RERE: variants seen among roughly 807,000 people sequenced by gnomAD.
The protein encoded by RERE is arginine-glutamic acid dipeptide repeats protein.
RERE carries 40 observed loss-of-function variants against 146.1 expected under a neutral mutation model. The ratio of observed to expected loss-of-function variants is 0.27; its 90% confidence interval spans 0.21 to 0.36. The LOEUF is 0.36. Ranked by LOEUF, RERE falls within the 10% of genes least tolerant of loss-of-function variation. The pLI is 1.00. For synonymous variants in RERE, 1,003 were observed against 866.0 expected (o/e 1.16, Z -2.78); for missense variants, 1,933 against 2,138.7 (o/e 0.90, Z 1.90).
rs114537486 is a variant in RERE, at chr1:8,631,209, C to T, written c.326-6829G>A. Among the ~76,000 whole-genome samples the T allele has an allele frequency of 2.6e-3, 401 of 152,306 alleles. 2 individuals carry two copies. Among genetic ancestry groups the T allele is most frequent in the African/African-American group, 9.2e-3 (381 of 41,560 alleles). On this transcript the variant is annotated intron_variant, in intron 2 of 22. Coordinates refer to ENST00000400908, the MANE Select transcript of RERE (RefSeq NM_001042681.2). ...TCCCAATGTATTGAAAACTTAAAAA[C>T]TGATCTCAGATAATTATCTTCCCAA...
At chr1:8,554,601 C>T (rs1645981682) in intron 6 of RERE, among the ~76,000 whole-genome samples, 1 of 150,238 alleles carries the variant, frequency 6.7e-6, no homozygotes, top group East Asian at 2.0e-4. Context: ...ATTGCCTGAG[C>T]CCAGGAGTTT....
At chr1:8,427,634 C>CT (rs1188177496) in intron 11 of RERE, among the ~76,000 whole-genome samples, 1 of 88,846 alleles carries the variant, frequency 1.1e-5, no homozygotes, top group Non-Finnish European at 2.2e-5. Context: ...CTTGGCCCCA[C>CT]TTTAAAAAAA....
intron 10 of RERE, among the ~76,000 whole-genome samples, chr1:8,484,128 G>C (rs1644868825): frequency 6.6e-6 from 1 of 152,132 alleles, no homozygotes; most frequent in African/African-American, 2.4e-5. Flanking sequence ...CAAATGATGG[G>C]GCTTTTCTGC....
intron 12 of RERE, among the ~76,000 whole-genome samples, chr1:8,394,758 C>A (rs1391320787): frequency 6.6e-6 from 1 of 152,110 alleles, no homozygotes; most frequent in Non-Finnish European, 1.5e-5. Flanking sequence ...GAAAAAAATA[C>A]GTTAACTTGC....
At chr1:8,502,584 G>T (rs1358439788) in intron 8 of RERE, among the ~76,000 whole-genome samples, 1 of 148,582 alleles carries the variant, frequency 6.7e-6, no homozygotes, top group African/African-American at 2.5e-5. Context: ...CTTCTGGGAG[G>T]TGTGCCCAGC....
At chr1:8,778,758 T>C (rs1641113119) in intron 1 of RERE, among the ~76,000 whole-genome samples, 1 of 151,564 alleles carries the variant, frequency 6.6e-6, no homozygotes, top group African/African-American at 2.4e-5. Context: ...ATCACTTGAG[T>C]CCACGAGGTG....
chr1:8,559,869 A>AG (rs943279421), intron 4 of RERE, among the ~76,000 whole-genome samples: 5 of 152,274 alleles, frequency 3.3e-5, no homozygotes, highest in African/African-American at 1.2e-4. Context: ...CCAAATACAC[A>AG]GGCAGCAAGG....
intron 1 of RERE, among the ~76,000 whole-genome samples, chr1:8,810,214 G>A (rs1329392932): frequency 1.3e-5 from 2 of 151,352 alleles, no homozygotes; most frequent in Non-Finnish European, 2.9e-5. Context: ...TTGCCAGGCT[G>A]GTCTTGAATT....
chr1:8,468,810 C>T (rs552456400), intron 10 of RERE, among the ~76,000 whole-genome samples: 17 of 151,812 alleles, frequency 1.1e-4, no homozygotes, highest in South Asian at 4.2e-4. Context: ...GGTGAAAGGA[C>T]GGCTTGAGCC....
intron 10 of RERE, among the ~76,000 whole-genome samples, chr1:8,475,913 G>C (rs1279076406): frequency 6.6e-6 from 1 of 152,162 alleles, no homozygotes; most frequent in East Asian, 1.9e-4. Flanking sequence ...AAATTTGTCT[G>C]AATGGTCTTA....
intron 1 of RERE, among the ~76,000 whole-genome samples, chr1:8,661,523 G>C (rs1353159808): frequency 1.3e-5 from 2 of 152,220 alleles, no homozygotes; most frequent in Admixed American, 6.5e-5. Context: ...AAGGAGCGCA[G>C]TGGGGCACGA....
intron 6 of RERE, among the ~76,000 whole-genome samples, chr1:8,544,856 TG>T (rs1217727654): frequency 6.6e-6 from 1 of 152,196 alleles, no homozygotes; most frequent in Non-Finnish European, 1.5e-5. Context: ...CACTGAGTAT[TG>T]AGCAGAGCTG....
chr1:8,615,500 C>T (rs1302177921), intron 3 of RERE, among the ~76,000 whole-genome samples: 1 of 152,044 alleles, frequency 6.6e-6, no homozygotes, highest in Non-Finnish European at 1.5e-5. Context: ...GAGTATGTTC[C>T]TTTTCAAATA....
chr1:8,712,786 T>TA (rs1257251780), intron 1 of RERE, among the ~76,000 whole-genome samples: 4 of 151,758 alleles, frequency 2.6e-5, no homozygotes, highest in South Asian at 2.1e-4. Flanking sequence ...TTTTTTTTTT[T>TA]AATGAAAAAC....
intron 12 of RERE, among the ~76,000 whole-genome samples, chr1:8,391,125 G>C (rs1239967621): frequency 6.6e-6 from 1 of 152,000 alleles, no homozygotes; most frequent in African/African-American, 2.4e-5. Flanking sequence ...CAGGAAAACT[G>C]ATGTTACTTC....
In RERE at chr1:8,361,078, C is replaced by T. The variant is rs1000913557; in HGVS notation, c.2429G>A (p.Arg810Gln). 18 of 1,436,756 alleles carry T rather than the reference C, an allele frequency of 1.3e-5. No individual in the cohort carries two copies. The highest frequency in any genetic ancestry group is 3.0e-5 in the South Asian group (2 of 67,766). 89.0% of individuals were successfully genotyped at this position (1,436,756 alleles called of 1,614,324 possible). The change falls in exon 18 of 23, where the codon CGG becomes CAG. Residue 810 changes from arginine to glutamine, a missense_variant. Around this residue, in one of 11 missense-constraint regions of RERE, gnomAD observed 1,255 missense variants for 1,153.8 expected, o/e 1.09. Transcript: ENST00000400908. Reference sequence around the variant, plus strand: ...CGGCGGGGGATGCGGTGAGGGCGGCCGCTGGGGGTGCAAGGCCGGTGCCTG... The same window carrying T: ...CGGCGGGGGATGCGGTGAGGGCGGCTGCTGGGGGTGCAAGGCCGGTGCCTG... ...IQQAPALHPQRPPSPHPPPHP... is the reference protein window; with the variant it reads ...IQQAPALHPQQPPSPHPPPHP...
rs145280900 is a variant in RERE at position 8,434,565 on chromosome 1, G to C, written c.1204-11758C>G. ...AATGTGATAATGACACTCCTTCATT[G>C]ACAGGTGGGTCTCTCTGTTCTCTCC... On this transcript the variant is annotated intron_variant, in intron 11 of 22. Coordinates refer to ENST00000400908, the MANE Select transcript of RERE (RefSeq NM_001042681.2). 4.0e-3 allele frequency: 611 copies of C among 152,288 alleles called. 5 individuals carry two copies. Among genetic ancestry groups the C allele is most frequent in the Non-Finnish European group, 6.3e-3 (429 of 68,046 alleles). 9.4% of individuals were successfully genotyped at this position (152,288 alleles called of 1,614,324 possible).
In RERE at chr1:8,712,098, C is replaced by A. The variant is rs146798260; in HGVS notation, c.-144-55657G>T. On this transcript the variant is annotated intron_variant, in intron 1 of 22. Transcript: ENST00000400908. ...CTGCTCTCTAGAAAATGCCAGAAGA[C>A]TCCAGTTAAAAATATACACTCAAAC... 2.2e-4 allele frequency among the ~76,000 whole-genome samples: 33 copies of A among 152,288 alleles called. No individual in the cohort carries two copies. In the East Asian group the frequency reaches 6.4e-3, roughly 29 times the overall value.
rs555035442 is a variant in RERE at position 8,436,298 on chromosome 1, G to A, written c.1204-13491C>T. ...TGTGCCACTGCACTCCAACCTGGGC[G>A]ACAGAGCGAGACTCAATCTCAAATA... On this transcript the variant is annotated intron_variant, in intron 11 of 22. Transcript: ENST00000400908. Among the ~76,000 whole-genome samples, 91 of 152,276 alleles carry A rather than the reference G, an allele frequency of 6.0e-4. 1 individual carries two copies. Among genetic ancestry groups the A allele is most frequent in the Non-Finnish European group, 1.2e-3 (80 of 68,010 alleles).
Sources: gnomAD v4.1 joint callset for allele counts (sites outside exome capture counted in the v4.1 genomes callset) on GRCh38, gnomAD v4.1.1 for gene constraint, gnomAD v4.1.1 regional missense constraint, MANE v1.5 for transcripts, NCBI Gene and HGNC (gene_info 2026-07-23, HGNC 2026-07-21) for gene names.